Variants in ZNF407 observed in about 807,000 individuals in gnomAD.
The protein encoded by ZNF407 is zinc finger protein 407.
ZNF407 carries 17 observed loss-of-function variants against 131.2 expected under a neutral mutation model. That is an observed-to-expected ratio of 0.13 (90% confidence interval 0.09 to 0.19). ZNF407 has a LOEUF of 0.19. Ranked by LOEUF, ZNF407 falls within the 10% of genes least tolerant of loss-of-function variation. The pLI is 1.00. For synonymous variants in ZNF407, 1,156 were observed against 1,062.0 expected, an observed-to-expected ratio of 1.09 and a Z score of -1.72; for missense variants, 2,681 against 2,830.6, an observed-to-expected ratio of 0.95 and a Z score of 1.20.
At chr18:75,045,910 TC>T (rs1662473195) in intron 8 of ZNF407, among the ~76,000 whole-genome samples, 1 of 152,192 alleles carries the variant, frequency 6.6e-6, no homozygotes, top group African/African-American at 2.4e-5. Flanking sequence ...AACCACCTGT[TC>T]TATTATATTT....
chr18:75,027,659 G>A (rs997448350), intron 8 of ZNF407, among the ~76,000 whole-genome samples: 2 of 152,266 alleles, frequency 1.3e-5, no homozygotes, highest in East Asian at 1.9e-4. Flanking sequence ...CTGATTTGGG[G>A]CAAACAGCAG....
chr18:74,773,227 G>A (rs1317519187), intron 3 of ZNF407, among the ~76,000 whole-genome samples: 1 of 152,106 alleles, frequency 6.6e-6, no homozygotes, highest in African/African-American at 2.4e-5. Flanking sequence ...ATCGACAATA[G>A]TATGAAAGAG....
intron 3 of ZNF407, among the ~76,000 whole-genome samples, chr18:74,676,174 C>T (rs562336390): frequency 6.6e-6 from 1 of 151,806 alleles, no homozygotes; most frequent in African/African-American, 2.4e-5. Context: ...TCACTGCAAA[C>T]TCCACCTCCT....
chr18:75,028,021 G>A (rs1599301197), intron 8 of ZNF407, among the ~76,000 whole-genome samples: 1 of 152,186 alleles, frequency 6.6e-6, no homozygotes, highest in South Asian at 2.1e-4. Flanking sequence ...AGTTCTGTCT[G>A]TTCTGTCCTC....
intron 8 of ZNF407, among the ~76,000 whole-genome samples, chr18:75,052,660 G>A (rs550318102): frequency 1.9e-4 from 29 of 152,314 alleles, no homozygotes; most frequent in Admixed American, 5.9e-4. Context: ...GGCGTCAGCC[G>A]CCTGATAGAG....
intron 8 of ZNF407, among the ~76,000 whole-genome samples, chr18:74,953,619 C>T (rs1036873721): frequency 2.0e-5 from 3 of 152,134 alleles, no homozygotes; most frequent in Non-Finnish European, 2.9e-5. Flanking sequence ...CGCTAGGCTT[C>T]GTTTAGAGAG....
Position 74,876,432 on chromosome 18 carries a change from G to A in ZNF407, c.4878-765G>A, listed in dbSNP as rs528125550. ...TCATGAATGCAATTGAACAGGGGCA[G>A]AAGATCAAACAGAGGAAGTATTCAA... On this transcript the variant is annotated intron_variant, in intron 4 of 8. Coordinates refer to ENST00000299687, the MANE Select transcript of ZNF407 (RefSeq NM_017757.3). Among the ~76,000 whole-genome samples, 11 of 152,316 alleles carry A rather than the reference G, an allele frequency of 7.2e-5. No homozygotes were observed. In the East Asian group the frequency reaches 2.1e-3, roughly 29 times the overall value.
chr18:74,911,502 T>A (rs1971670006), intron 7 of ZNF407, among the ~76,000 whole-genome samples: 1 of 152,248 alleles, frequency 6.6e-6, no homozygotes, highest in African/African-American at 2.4e-5. Context: ...TATTTTTTAT[T>A]GATTTTTATA....
intron 8 of ZNF407, among the ~76,000 whole-genome samples, chr18:74,947,482 G>A (rs189704296): frequency 3.3e-5 from 5 of 152,236 alleles, no homozygotes; most frequent in South Asian, 2.1e-4. Context: ...GATGTGAAAC[G>A]GCATCATTTA....
intron 3 of ZNF407, among the ~76,000 whole-genome samples, chr18:74,680,167 G>C (rs1966947866): frequency 6.6e-6 from 1 of 152,182 alleles, no homozygotes; most frequent in Non-Finnish European, 1.5e-5. Context: ...GAGGTGGGCA[G>C]ATCCATTGAG....
At position 74,621,982 on chromosome 18, in the gene ZNF407, T is replaced by C. The variant is rs149742309; in HGVS notation, c.-53-8985T>C. ...CGTGGTGAAATTGCCTCCACTGTTA[T>C]CTAGTGAATGGTTTTTTAGGGTGTT... On this transcript the variant is annotated intron_variant, in intron 1 of 8. Transcript: ENST00000299687. 6.4e-3 allele frequency among the ~76,000 whole-genome samples: 970 copies of C among 152,318 alleles called. 12 individuals are homozygous for C. Among genetic ancestry groups the C allele is most frequent in the African/African-American group, 0.022 (910 of 41,560 alleles).
intron 8 of ZNF407, among the ~76,000 whole-genome samples, chr18:74,977,130 A>G (rs759752083): frequency 6.6e-6 from 1 of 152,260 alleles, no homozygotes; most frequent in Non-Finnish European, 1.5e-5. Context: ...TTTCTGATGC[A>G]TTTGATGGCT....
At chr18:74,709,718 A>G (rs940726444) in intron 3 of ZNF407, among the ~76,000 whole-genome samples, 1 of 152,254 alleles carries the variant, frequency 6.6e-6, no homozygotes, top group Admixed American at 6.5e-5. Context: ...TAATTACTGT[A>G]TCTGTGCTAT....
chr18:74,672,516 G>GTTGGAGCACCGTTTGTTCA (rs929884095), intron 3 of ZNF407, among the ~76,000 whole-genome samples: 12 of 150,288 alleles, frequency 8.0e-5, no homozygotes, highest in South Asian at 6.3e-4. Flanking sequence ...GTCTCTGTTC[G>GTTGGAGCACCGTTTGTTCA]TTGGAGCACC....
At chr18:74,963,037 A>G (rs925093486) in intron 8 of ZNF407, among the ~76,000 whole-genome samples, 9 of 152,210 alleles carry the variant, frequency 5.9e-5, no homozygotes, top group Non-Finnish European at 1.0e-4. Flanking sequence ...CCCTTCTTCC[A>G]GCAGCCACAT....
intron 3 of ZNF407, among the ~76,000 whole-genome samples, chr18:74,776,481 A>G (rs866588957): frequency 6.6e-5 from 10 of 152,172 alleles, no homozygotes; most frequent in African/African-American, 1.2e-4. Flanking sequence ...CAGATCTCCT[A>G]TTTCTTTCCA....
chr18:74,835,629 GGTGTGT>G (rs60463192), intron 4 of ZNF407, among the ~76,000 whole-genome samples: 191 of 92,198 alleles, frequency 2.1e-3, no homozygotes, highest in African/African-American at 5.1e-3. Flanking sequence ...GACAGAGGGG[GGTGTGT>G]GTGTGTGTGT....
intron 2 of ZNF407, among the ~76,000 whole-genome samples, chr18:74,639,566 C>T (rs1051691495): frequency 5.3e-5 from 8 of 152,162 alleles, no homozygotes; most frequent in Admixed American, 4.6e-4. Flanking sequence ...CTGTAAGCTG[C>T]AGTCTCAACC....
intron 3 of ZNF407, among the ~76,000 whole-genome samples, chr18:74,708,966 A>G (rs1967693105): frequency 6.6e-6 from 1 of 152,224 alleles, no homozygotes; most frequent in Non-Finnish European, 1.5e-5. Context: ...ATCGTCCCCT[A>G]TGATTTAGTG....
Sources: gnomAD v4.1 joint callset for allele counts (sites outside exome capture counted in the v4.1 genomes callset) on GRCh38, gnomAD v4.1.1 for gene constraint, MANE v1.5 for transcripts, NCBI Gene and HGNC (gene_info 2026-07-23, HGNC 2026-07-21) for gene names.